ARB2A: variants seen among roughly 807,000 people sequenced by gnomAD.
ARB2A encodes the protein ARB2 cotranscriptional regulator A.
chr5:93,910,528 C>A, the ARB2A span, among the ~76,000 whole-genome samples: 1 of 151,204 alleles, frequency 6.6e-6, no homozygotes, highest in Non-Finnish European at 1.5e-5. Context: ...TTAAAAAAGA[C>A]AGCAAGAAAC....
the ARB2A span, among the ~76,000 whole-genome samples, chr5:94,043,137 G>C: frequency 1.3e-5 from 2 of 151,918 alleles, no homozygotes; most frequent in Non-Finnish European, 2.9e-5. Context: ...TGAAAATTGA[G>C]ACATCAGAAT....
At chr5:93,724,561 T>G in the ARB2A span, among the ~76,000 whole-genome samples, 1 of 152,096 alleles carries the variant, frequency 6.6e-6, no homozygotes, top group Non-Finnish European at 1.5e-5. Context: ...TTGTAATTAA[T>G]GAAATAAAAT....
the ARB2A span, among the ~76,000 whole-genome samples, chr5:94,095,906 G>A: frequency 1.3e-3 from 190 of 151,578 alleles, 1 homozygote; most frequent in Non-Finnish European, 2.1e-3. Flanking sequence ...TATCTCTCCC[G>A]CTCTCCATCT....
chr5:93,934,962 G>T, the ARB2A span, among the ~76,000 whole-genome samples: 1 of 152,124 alleles, frequency 6.6e-6, no homozygotes, highest in East Asian at 1.9e-4. Context: ...TATTCTAAGT[G>T]AAGTGACTCA....
the ARB2A span, among the ~76,000 whole-genome samples, chr5:93,914,943 G>A: frequency 5.3e-5 from 8 of 151,850 alleles, no homozygotes; most frequent in African/African-American, 7.2e-5. Context: ...TGCTATAAAC[G>A]TGAATGGAAC....
the ARB2A span, among the ~76,000 whole-genome samples, chr5:93,878,754 C>T: frequency 6.6e-6 from 1 of 151,972 alleles, no homozygotes; most frequent in Non-Finnish European, 1.5e-5. Context: ...ATGTTGTTTA[C>T]TATATTGTAT....
the ARB2A span, among the ~76,000 whole-genome samples, chr5:94,104,782 C>T: frequency 8.6e-4 from 131 of 152,136 alleles, no homozygotes; most frequent in African/African-American, 3.1e-3. Context: ...ACCAGCAGCA[C>T]ATCAAAAACC....
At chr5:93,740,770 C>A in the ARB2A span, 1 of 1,612,246 alleles carries the variant, frequency 6.2e-7, no homozygotes, top group South Asian at 1.1e-5. Flanking sequence ...TGGTCGACTG[C>A]CCATCTTGCT....
chr5:93,976,177 A>G, the ARB2A span, among the ~76,000 whole-genome samples: 1 of 152,200 alleles, frequency 6.6e-6, no homozygotes, highest in Non-Finnish European at 1.5e-5. Context: ...ATGATCATTC[A>G]TCTCAACAGA....
the ARB2A span, among the ~76,000 whole-genome samples, chr5:93,646,223 G>T: frequency 2.0e-5 from 3 of 151,706 alleles, no homozygotes; most frequent in Non-Finnish European, 4.4e-5. Flanking sequence ...TTTTCACAAG[G>T]GTGAAAAATA....
chr5:93,813,790 T>G, the ARB2A span, among the ~76,000 whole-genome samples: 2 of 152,190 alleles, frequency 1.3e-5, no homozygotes, highest in Admixed American at 1.3e-4. Flanking sequence ...ATAATATTTT[T>G]GTTATAGGAG....
At chr5:93,875,437 G>A in the ARB2A span, among the ~76,000 whole-genome samples, 1 of 151,974 alleles carries the variant, frequency 6.6e-6, no homozygotes, top group Non-Finnish European at 1.5e-5. Flanking sequence ...TCACCATGTT[G>A]GCCAGGCTGG....
the ARB2A span, among the ~76,000 whole-genome samples, chr5:93,952,336 G>A: frequency 5.3e-5 from 8 of 152,176 alleles, no homozygotes; most frequent in Non-Finnish European, 1.0e-4. Context: ...AGCATTTCTT[G>A]TAGAACACGT....
the ARB2A span, among the ~76,000 whole-genome samples, chr5:93,898,315 A>T: frequency 2.0e-5 from 3 of 151,800 alleles, no homozygotes; most frequent in African/African-American, 7.3e-5. Context: ...AAATTATTTA[A>T]CAATTCTCAG....
the ARB2A span, among the ~76,000 whole-genome samples, chr5:93,965,739 T>C: frequency 6.6e-6 from 1 of 152,060 alleles, no homozygotes; most frequent in Non-Finnish European, 1.5e-5. Context: ...TCAAATTTTA[T>C]GAAACAAAAT....
the ARB2A span, among the ~76,000 whole-genome samples, chr5:94,098,250 T>C: frequency 6.6e-6 from 1 of 152,144 alleles, no homozygotes; most frequent in South Asian, 2.1e-4. Context: ...GAAGAACCCG[T>C]GGAAGGACTA....
the ARB2A span, among the ~76,000 whole-genome samples, chr5:94,059,618 CAAAAAAAAA>C: frequency 1.6e-5 from 1 of 62,782 alleles, no homozygotes; most frequent in East Asian, 5.3e-4. Flanking sequence ...GAGACTGTCT[CAAAAAAAAA>C]AAAAAAAAAA....
At chr5:93,781,586 T>A in the ARB2A span, among the ~76,000 whole-genome samples, 1 of 152,100 alleles carries the variant, frequency 6.6e-6, no homozygotes, top group Non-Finnish European at 1.5e-5. Flanking sequence ...AGTACTTCTA[T>A]CTTTAGCTCT....
chr5:94,036,270 C>T, the ARB2A span, among the ~76,000 whole-genome samples: 1 of 152,170 alleles, frequency 6.6e-6, no homozygotes, highest in African/African-American at 2.4e-5. Context: ...ATCAAAATTA[C>T]ACAAAAAGGT....
Sources: gnomAD v4.1 joint callset for allele counts (sites outside exome capture counted in the v4.1 genomes callset) on GRCh38, gnomAD v4.1.1 for gene constraint, MANE v1.5 for transcripts, NCBI Gene and HGNC (gene_info 2026-07-23, HGNC 2026-07-21) for gene names.